The following NINL variants were observed in gnomAD, a reference collection of about 807,000 sequenced individuals.
NINL encodes ninein like, also known as ninein-like protein.
In NINL, 153 loss-of-function variants were observed where a neutral mutation model predicts 160.3. The observed-to-expected ratio is 0.95, with a 90% CI of 0.84 to 1.09. NINL has a LOEUF of 1.09. Among genes scored for constraint, NINL ranks in the 50% least tolerant of loss-of-function variants. NINL has a pLI of 0.00. For synonymous variants in NINL, 800 were observed against 734.8 expected (o/e 1.09, Z -1.43); for missense variants, 1,829 against 1,764.0 (o/e 1.04, Z -0.66).
At chr20:25,488,675 A>C (rs1478492495) in intron 13 of NINL, among the ~76,000 whole-genome samples, 1 of 152,004 alleles carries the variant, frequency 6.6e-6, no homozygotes, top group African/African-American at 2.4e-5. Flanking sequence ...ACACCACGGC[A>C]CATTCCTGGC....
At chr20:25,552,345 G>A (rs1256377591) in intron 1 of NINL, among the ~76,000 whole-genome samples, 2 of 152,002 alleles carry the variant, frequency 1.3e-5, no homozygotes, top group Admixed American at 6.6e-5. Flanking sequence ...ACTAGCCTGA[G>A]CAGCATAGCC....
At chr20:25,558,171 C>T (rs2147120713) in intron 1 of NINL, among the ~76,000 whole-genome samples, 1 of 152,180 alleles carries the variant, frequency 6.6e-6, no homozygotes, top group Middle Eastern at 3.4e-3. Flanking sequence ...GATAAACATG[C>T]TGAGTAGAAT....
At chr20:25,490,892 C>T (rs542762397) in intron 11 of NINL, among the ~76,000 whole-genome samples, 3 of 151,836 alleles carry the variant, frequency 2.0e-5, no homozygotes, top group South Asian at 2.1e-4. Flanking sequence ...TGTCCCGCTG[C>T]GATGCCTCAC....
chr20:25,538,390 T>C lies in NINL; in HGVS notation c.-11-11792A>G, dbSNP rs138637821. 2.5e-3 allele frequency among the ~76,000 whole-genome samples: 388 copies of C among 152,234 alleles called. 1 individual carries two copies. The highest frequency in any genetic ancestry group is 9.0e-3 in the African/African-American group (375 of 41,540). On this transcript the variant is annotated intron_variant, in intron 1 of 23. Transcript: ENST00000278886. The stretch of plus-strand genomic sequence containing the variant: ...TGCCAGGTCCTGTAAAAACACTACA[T>C]GGTATATTTTTTTTCTTCCACCACA...
chr20:25,526,413 C>T lies in NINL; in HGVS notation c.175G>A (p.Ala59Thr), dbSNP rs535961617. 5.6e-5 allele frequency: 90 copies of T among 1,609,876 alleles called. No homozygotes were observed. In the East Asian group the frequency reaches 6.9e-4, roughly 12 times the overall value. Residue 59 changes from alanine to threonine, a missense_variant, in exon 2 of 24, where the codon GCC (alanine) becomes ACC (threonine). Transcript: ENST00000278886. ...LQTLLGNDHF[A>T]RVNFEEFKEG... ...CAATGAAGTCCAACACTCACCCTGG[C>T]GAAATGGTCGTTTCCGAGAAGCGTC...
At chr20:25,482,154 C>G in intron 13 of NINL, 54 bp from the exon 14 acceptor site, 1 of 1,549,818 alleles carries the variant, frequency 6.5e-7, no homozygotes, top group East Asian at 2.3e-5. Context: ...TTCAGCCCAG[C>G]GAGCTGGCCG....
At chr20:25,547,303 A>T (rs2064746705) in intron 1 of NINL, among the ~76,000 whole-genome samples, 1 of 152,136 alleles carries the variant, frequency 6.6e-6, no homozygotes, top group Admixed American at 6.5e-5. Context: ...CCACCTCTTC[A>T]TCTGCTGTTC....
chr20:25,583,169 T>G (rs909904965), intron 1 of NINL, among the ~76,000 whole-genome samples: 2 of 151,958 alleles, frequency 1.3e-5, no homozygotes, highest in Non-Finnish European at 2.9e-5. Flanking sequence ...CAAAAGAAAC[T>G]CTTCAGAGTG....
chr20:25,565,922 C>A (rs1011989979), intron 1 of NINL, among the ~76,000 whole-genome samples: 5 of 152,128 alleles, frequency 3.3e-5, no homozygotes, highest in African/African-American at 4.8e-5. Flanking sequence ...AGGACTTACA[C>A]TGGCGACCCC....
chr20:25,517,473 C>G (rs761347483), intron 3 of NINL, among the ~76,000 whole-genome samples: 8 of 152,234 alleles, frequency 5.3e-5, no homozygotes, highest in Non-Finnish European at 1.2e-4. Flanking sequence ...TGTGTCCCAG[C>G]AGCCCTGTCC....
intron 18 of NINL, among the ~76,000 whole-genome samples, chr20:25,468,602 G>A (rs1431050743): frequency 9.0e-6 from 1 of 110,522 alleles, no homozygotes; most frequent in African/African-American, 3.9e-5. Context: ...GTGCCCCTCT[G>A]TCCTGTCCCC....
At chr20:25,523,587 G>A (rs1470772512) in intron 2 of NINL, among the ~76,000 whole-genome samples, 4 of 151,638 alleles carry the variant, frequency 2.6e-5, no homozygotes, top group Non-Finnish European at 5.9e-5. Context: ...TATCAGTAAC[G>A]TTTATATAAT....
chr20:25,509,311 T>A (rs1193543909), intron 5 of NINL, among the ~76,000 whole-genome samples: 3 of 151,930 alleles, frequency 2.0e-5, no homozygotes, highest in Non-Finnish European at 2.9e-5. Context: ...CAGTGACGCT[T>A]CATATGATTT....
intron 1 of NINL, among the ~76,000 whole-genome samples, chr20:25,579,969 ACT>A (rs2147204655): frequency 6.6e-6 from 1 of 152,286 alleles, no homozygotes; most frequent in Non-Finnish European, 1.5e-5. Flanking sequence ...GTCTCTGACC[ACT>A]CTTAGAAACT....
intron 1 of NINL, among the ~76,000 whole-genome samples, chr20:25,557,717 A>G (rs997523998): frequency 6.6e-6 from 1 of 152,216 alleles, no homozygotes; most frequent in Admixed American, 6.5e-5. Context: ...GCATATTTGG[A>G]TATTTAAACT....
intron 1 of NINL, among the ~76,000 whole-genome samples, chr20:25,584,867 G>A (rs966090836): frequency 6.6e-6 from 1 of 152,252 alleles, no homozygotes; most frequent in Non-Finnish European, 1.5e-5. Context: ...TGCGCGCACA[G>A]GCGGGAGGAA....
intron 9 of NINL, 64 bp from the exon 10 acceptor site, chr20:25,496,867 T>G: frequency 1.9e-6 from 3 of 1,593,402 alleles, no homozygotes; most frequent in Non-Finnish European, 2.6e-6. Context: ...CCATGCCAGG[T>G]GGCTCTGGGC....
At chr20:25,568,369 C>T (rs761128753) in intron 1 of NINL, among the ~76,000 whole-genome samples, 1 of 151,644 alleles carries the variant, frequency 6.6e-6, no homozygotes, top group Non-Finnish European at 1.5e-5. Context: ...ACTCCACACA[C>T]ATAAATTCAA....
chr20:25,458,649 T>C lies in NINL; in HGVS notation c.3697-120A>G, dbSNP rs1378136780. The C allele has an allele frequency of 3.3e-5, 34 of 1,037,224 alleles. No homozygotes were observed. The East Asian group carries it at 8.1e-4, about 25-fold the overall frequency. The allele number at this position is 1,037,224 out of a possible 1,614,324, so 64.3% of individuals were successfully genotyped here. ...CAAGGAAAGCGTGTGCTCCCGAGTA[T>C]GCAGCAGCACCTGAATATTTAGAAG... On this transcript the variant is annotated intron_variant, in intron 21 of 23. Coordinates refer to ENST00000278886, the MANE Select transcript of NINL (RefSeq NM_025176.6).
Sources: gnomAD v4.1 joint callset for allele counts (sites outside exome capture counted in the v4.1 genomes callset) on GRCh38, gnomAD v4.1.1 for gene constraint, MANE v1.5 for transcripts, NCBI Gene and HGNC (gene_info 2026-07-23, HGNC 2026-07-21) for gene names.